The following WDFY4 variants were observed in gnomAD, a reference collection of about 807,000 sequenced individuals.
The protein encoded by WDFY4 is WD repeat- and FYVE domain-containing protein 4.
Under a neutral mutation model 351.9 loss-of-function variants are expected in WDFY4, and 169 were observed. The ratio of observed to expected loss-of-function variants is 0.48; its 90% CI spans 0.42 to 0.55. The LOEUF (loss-of-function observed/expected upper bound fraction) is 0.55. Among genes scored for constraint, WDFY4 ranks in the 20% least tolerant of loss-of-function variants. The pLI, the probability that WDFY4 is intolerant of heterozygous loss-of-function variation, is 0.00. For missense variants in WDFY4, 3,803 were observed against 3,935.6 expected (o/e 0.97, Z 0.90); for synonymous variants, 1,622 against 1,574.6 (o/e 1.03, Z -0.71).
intron 58 of WDFY4, 84 bp from the exon 59 acceptor site, chr10:48,976,713 G>A: frequency 8.1e-7 from 1 of 1,235,608 alleles, no homozygotes; most frequent in Non-Finnish European, 1.0e-6. Context: ...AGAGTACTTG[G>A]GTGTACCAAC....
intron 4 of WDFY4, among the ~76,000 whole-genome samples, chr10:48,721,919 T>C (rs1370414969): frequency 6.6e-6 from 1 of 152,204 alleles, no homozygotes; most frequent in Non-Finnish European, 1.5e-5. Context: ...TGTAGGTACC[T>C]GTCTCGCCCT....
intron 61 of WDFY4, among the ~76,000 whole-genome samples, chr10:48,982,264 C>G (rs1842841610): frequency 6.6e-6 from 1 of 152,200 alleles, no homozygotes; most frequent in South Asian, 2.1e-4. Flanking sequence ...CGTCCTGTTC[C>G]CTGGGGCCTG....
At chr10:48,962,856 G>A (rs568644606) in intron 53 of WDFY4, among the ~76,000 whole-genome samples, 2 of 152,222 alleles carry the variant, frequency 1.3e-5, no homozygotes, top group African/African-American at 2.4e-5. Flanking sequence ...GTCTGTGAGT[G>A]CGTGGGTGAG....
intron 47 of WDFY4, among the ~76,000 whole-genome samples, chr10:48,924,616 G>C (rs374393678): frequency 1.3e-5 from 2 of 152,130 alleles, no homozygotes; most frequent in African/African-American, 4.8e-5. Flanking sequence ...TTTTGTTCTT[G>C]TACAATTTTT....
intron 43 of WDFY4, among the ~76,000 whole-genome samples, chr10:48,880,877 C>A (rs1051814160): frequency 1.6e-4 from 22 of 137,654 alleles, no homozygotes; most frequent in Middle Eastern, 3.5e-3. Context: ...GATGCAGGCC[C>A]GGGGAGGTGG....
chr10:48,781,538 C>T (rs1057232078), intron 19 of WDFY4, among the ~76,000 whole-genome samples: 1 of 152,168 alleles, frequency 6.6e-6, no homozygotes, highest in Non-Finnish European at 1.5e-5. Context: ...TCAGGCGATC[C>T]ACCTGCCTTG....
intron 43 of WDFY4, 74 bp from the exon 44 acceptor site, chr10:48,890,505 A>G (rs1589819894): frequency 1.3e-6 from 2 of 1,532,948 alleles, no homozygotes; most frequent in East Asian, 4.9e-5. Flanking sequence ...GCTGGTCACT[A>G]CCCTCCTGTT....
chr10:48,766,722 C>T (rs1231613842), intron 13 of WDFY4, among the ~76,000 whole-genome samples: 1 of 152,240 alleles, frequency 6.6e-6, no homozygotes, highest in East Asian at 1.9e-4. Flanking sequence ...GGATTCAGCC[C>T]TGGCCTAATT....
chr10:48,730,443 G>C (rs1463370330), intron 8 of WDFY4, among the ~76,000 whole-genome samples: 1 of 152,238 alleles, frequency 6.6e-6, no homozygotes, highest in Non-Finnish European at 1.5e-5. Flanking sequence ...CTGAGGCAGA[G>C]AAGGCTGGAG....
intron 10 of WDFY4, 36 bp from the exon 11 acceptor site, chr10:48,735,844 C>T (rs960109274): frequency 9.2e-6 from 14 of 1,524,552 alleles, no homozygotes; most frequent in Admixed American, 8.0e-5. Context: ...AAGCTTCCCC[C>T]TTGCCCTAGC....
At chr10:48,831,252 T>G (rs1206163667) in intron 38 of WDFY4, among the ~76,000 whole-genome samples, 1 of 152,234 alleles carries the variant, frequency 6.6e-6, no homozygotes, top group African/African-American at 2.4e-5. Context: ...TCCTTGAGCT[T>G]AGGTTCCTCA....
At chr10:48,848,203 C>A (rs1314228362) in intron 39 of WDFY4, among the ~76,000 whole-genome samples, 1 of 152,204 alleles carries the variant, frequency 6.6e-6, no homozygotes, top group Non-Finnish European at 1.5e-5. Context: ...TCCTCAAGGG[C>A]AGCCAGCATT....
intron 47 of WDFY4, among the ~76,000 whole-genome samples, chr10:48,924,844 T>C (rs1410291764): frequency 1.3e-5 from 2 of 152,258 alleles, no homozygotes. Flanking sequence ...TGTCTGGTGC[T>C]TCACACTCAT....
intron 51 of WDFY4, among the ~76,000 whole-genome samples, chr10:48,948,763 G>A (rs576584626): frequency 4.2e-4 from 64 of 152,354 alleles, no homozygotes; most frequent in African/African-American, 1.5e-3. Flanking sequence ...CTACATAGGT[G>A]ATCAATCACT....
chr10:48,921,142 G>A (rs1839037745), intron 47 of WDFY4, among the ~76,000 whole-genome samples: 2 of 152,118 alleles, frequency 1.3e-5, no homozygotes, highest in South Asian at 4.1e-4. Flanking sequence ...TATATGAAAG[G>A]AAAAGAAACT....
chr10:48,784,471 A>G (rs1341198802), intron 19 of WDFY4, among the ~76,000 whole-genome samples: 1 of 128,326 alleles, frequency 7.8e-6, no homozygotes, highest in Non-Finnish European at 1.6e-5. Flanking sequence ...TGCCATCTGT[A>G]TATTCTCCTC....
chr10:48,707,545 A>G (rs1003847665), intron 1 of WDFY4, among the ~76,000 whole-genome samples: 1 of 152,128 alleles, frequency 6.6e-6, no homozygotes, highest in Non-Finnish European at 1.5e-5. Context: ...CCAACAAGTA[A>G]AATAGGCATG....
chr10:48,883,186 C>G (rs556351663), intron 43 of WDFY4, among the ~76,000 whole-genome samples: 1 of 152,338 alleles, frequency 6.6e-6, no homozygotes, highest in Non-Finnish European at 1.5e-5. Context: ...AACATGGCAT[C>G]TCTGCCTGGG....
chr10:48,973,099 G>A (rs1842405770), intron 57 of WDFY4, among the ~76,000 whole-genome samples: 1 of 152,324 alleles, frequency 6.6e-6, no homozygotes, highest in Admixed American at 6.5e-5. Flanking sequence ...TTCCTGGGAA[G>A]AGCAGGCAGA....
Sources: allele counts gnomAD v4.1 joint callset (sites outside exome capture counted in the v4.1 genomes callset), GRCh38; gene constraint gnomAD v4.1.1; transcripts MANE v1.5; gene names NCBI Gene and HGNC (gene_info 2026-07-23, HGNC 2026-07-21).